Variants in INTS1 observed in about 807,000 individuals in gnomAD.
INTS1 encodes the protein integrator complex subunit 1.
In INTS1, 137 loss-of-function variants were observed where a neutral mutation model predicts 241.6. The ratio of observed to expected loss-of-function variants is 0.57; its 90% confidence interval spans 0.49 to 0.65. The LOEUF (loss-of-function observed/expected upper bound fraction) is 0.65, where lower values mean the gene tolerates loss of function less well. INTS1 is among the 30% of genes least tolerant of loss of function. The pLI is 0.00. For missense variants in INTS1, 3,073 were observed against 3,032.2 expected, an observed-to-expected ratio of 1.01 and a Z score of -0.32; for synonymous variants, 1,692 against 1,337.8, an observed-to-expected ratio of 1.26 and a Z score of -5.78.
In INTS1 at chr7:1,498,957, C is replaced by A; in HGVS notation, c.1137+18G>T. ...CCCCACCCCCTGCCCCGCCCACCCC[C>A]CCGGGGCGCCCCCGCACCTTGGGGT... is the stretch of plus-strand genomic sequence containing the variant. On this transcript the variant is annotated intron_variant, in intron 8 of 47. Transcript: ENST00000404767. 2.0e-6 allele frequency: 3 copies of A among 1,487,544 alleles called. No homozygotes were observed. The highest frequency in any genetic ancestry group is 1.2e-5 in the South Asian group (1 of 82,028). The allele number at this position is 1,487,544 out of a possible 1,614,324, so 92.1% of individuals were successfully genotyped here. A position where few individuals can be genotyped will look rare whatever the true frequency, so the allele number is the denominator to read the frequency against.
rs535880095 is a variant in INTS1, at chr7:1,471,881, G to C, written c.6185-240C>G. On this transcript the variant is annotated intron_variant, in intron 44 of 47. Coordinates refer to ENST00000404767, the MANE Select transcript of INTS1 (RefSeq NM_001080453.3). ...ACCCCTCACGGCAGCCCCATATCCAGGGTGCTCTTAGCACCAAGTGTCCCC... is the reference window on the plus strand; with the variant it reads ...ACCCCTCACGGCAGCCCCATATCCACGGTGCTCTTAGCACCAAGTGTCCCC... The C allele has an allele frequency of 1.0e-4, 59 of 588,402 alleles. No homozygotes were observed. The East Asian group carries it at 1.6e-3, about 16-fold the overall frequency. 36.4% of individuals were successfully genotyped at this position (588,402 alleles called of 1,614,324 possible).
intron 43 of INTS1, among the ~76,000 whole-genome samples, 162 bp from the exon 44 acceptor site, chr7:1,472,548 A>T (rs1781520401): frequency 6.6e-6 from 1 of 152,118 alleles, no homozygotes; most frequent in South Asian, 2.1e-4. Context: ...AGGAGCCGGG[A>T]GCTGCCTTTG....
intron 19 of INTS1, 85 bp from the exon 20 acceptor site, chr7:1,487,534 G>A (rs571548348): frequency 4.7e-6 from 7 of 1,493,958 alleles, no homozygotes; most frequent in East Asian, 4.8e-5. Flanking sequence ...CCTGCTTCGA[G>A]GGGCAGCCGA....
Position 1,493,637 on chromosome 7 carries a change from G to T in INTS1, c.2068+117C>A. On this transcript the variant is annotated intron_variant, in intron 15 of 47. Coordinates refer to ENST00000404767, the MANE Select transcript of INTS1 (RefSeq NM_001080453.3). The surrounding 1 kb of genome is among the most constrained non-coding windows in gnomAD (Gnocchi z 5.3). ...GTCCCCGAGCCTCCCGGGGACCCAG[G>T]ACCCAGCTGAAGCGCAGCTTTGTGG... The T allele has an allele frequency of 7.4e-7, 1 of 1,360,152 alleles. No individual in the cohort carries two copies. The highest frequency in any genetic ancestry group is 9.7e-7 in the Non-Finnish European group (1 of 1,027,952). The allele number at this position is 1,360,152 out of a possible 1,614,324, so 84.3% of individuals were successfully genotyped here. A position where few individuals can be genotyped will look rare whatever the true frequency, so the allele number is the denominator to read the frequency against.
rs888341130 is a variant in INTS1, at chr7:1,497,631, C to T, written c.1426-317G>A. 1.3e-5 allele frequency among the ~76,000 whole-genome samples: 2 copies of T among 152,220 alleles called. No homozygotes were observed. The highest frequency in any genetic ancestry group is 2.9e-5 in the Non-Finnish European group (2 of 68,042). On this transcript the variant is annotated intron_variant, in intron 10 of 47. Coordinates refer to ENST00000404767, the MANE Select transcript of INTS1 (RefSeq NM_001080453.3). The surrounding 1 kb of genome is among the most constrained non-coding windows in gnomAD (Gnocchi z 5.3). The stretch of plus-strand genomic sequence containing the variant: ...GAAGCGCGTGTGCCATCTCAGCCCA[C>T]CCGTGCGCCACGGGCTGAACGGAAA...
chr7:1,471,109 GAC>G (rs1270558786), intron 46 of INTS1, 22 bp downstream of exon 46: 21 of 1,549,248 alleles, frequency 1.4e-5, no homozygotes, highest in Non-Finnish European at 1.8e-5. Flanking sequence ...GTGGCGGCGG[GAC>G]AGAGGCCGGC....
In INTS1 at chr7:1,475,589, C is replaced by T. The variant is rs185729521; in HGVS notation, c.5502+359G>A. Among the ~76,000 whole-genome samples, 82 of 152,228 alleles carry T rather than the reference C, an allele frequency of 5.4e-4. 1 individual carries two copies. The East Asian group carries it at 0.015, about 28-fold the overall frequency. ...ACCAGGGTCACTGGAGAGGAGCAGACGCAGCCGTCCGCCAAGACCCGGGCA... is the reference window on the plus strand; with the variant it reads ...ACCAGGGTCACTGGAGAGGAGCAGATGCAGCCGTCCGCCAAGACCCGGGCA... On this transcript the variant is annotated intron_variant, in intron 39 of 47. Coordinates refer to ENST00000404767, the MANE Select transcript of INTS1 (RefSeq NM_001080453.3).
Position 1,497,346 on chromosome 7 carries a change from C to CCCGACAGTGCTGT in INTS1, c.1426-45_1426-33dup. The CCCGACAGTGCTGT allele has an allele frequency of 6.3e-7, 1 of 1,594,410 alleles. No individual in the cohort carries two copies. The highest frequency in any genetic ancestry group is 8.5e-7 in the Non-Finnish European group (1 of 1,170,764). ...CAGAGAGAGGCCGCGTGGGAGGCTG[C>CCCGACAGTGCTGT]CCGACAGTGCTGTCCCTGTCACAGG... On this transcript the variant is annotated intron_variant, in intron 10 of 47. Coordinates refer to ENST00000404767, the MANE Select transcript of INTS1 (RefSeq NM_001080453.3). The surrounding 1 kb of genome is among the most constrained non-coding windows in gnomAD (Gnocchi z 5.3).
chr7:1,470,542 G>A lies in INTS1; in HGVS notation c.*35C>T. On this transcript the variant is annotated 3_prime_UTR_variant, in exon 48 of 48. Transcript: ENST00000404767. ...CTCGAGGATCCCCGGGGACGGGACG[G>A]GCCGGGGCTTGGAGGGGGGTCGGCT... The A allele has an allele frequency of 6.8e-7, 1 of 1,467,470 alleles. No individual in the cohort carries two copies. The highest frequency in any genetic ancestry group is 1.2e-5 in the South Asian group (1 of 80,908). 90.9% of individuals were successfully genotyped at this position (1,467,470 alleles called of 1,614,324 possible).
Position 1,503,317 on chromosome 7 carries a change from G to C in INTS1, c.59-126C>G, listed in dbSNP as rs930527670. ...GTCAGAGGAGGCAAGGAAGAAGCCA[G>C]AGCTCACTCAGCAGCCTACAGCAGA... On this transcript the variant is annotated intron_variant, in intron 2 of 47. Coordinates refer to ENST00000404767, the MANE Select transcript of INTS1 (RefSeq NM_001080453.3). 14 of 1,015,028 alleles carry C rather than the reference G, an allele frequency of 1.4e-5. No individual in the cohort carries two copies. The African/African-American group carries it at 2.0e-4, about 14-fold the overall frequency. The allele number at this position is 1,015,028 out of a possible 1,614,324, so 62.9% of individuals were successfully genotyped here.
rs1238778709 is a variant in INTS1, at chr7:1,497,281, T to C, written c.1459A>G (p.Asn487Asp). ...LAMVFQDLLTNKDDYLRASRA... is the reference protein window; with the variant it reads ...LAMVFQDLLTDKDDYLRASRA... ...GAGGCCCGCAGGTAGTCGTCCTTGT[T>C]GGTCAGCAGGTCCTGGAACACCATG... The change falls in exon 11 of 48, where the codon AAC becomes GAC. Residue 487 changes from asparagine to aspartate, a missense_variant. Asn to Asp is a conservative substitution (Grantham distance 23). Coordinates refer to ENST00000404767, the MANE Select transcript of INTS1 (RefSeq NM_001080453.3). The surrounding 1 kb of genome is among the most constrained non-coding windows in gnomAD (Gnocchi z 5.3). The C allele has an allele frequency of 3.1e-6, 5 of 1,613,340 alleles. No homozygotes were observed. The highest frequency in any genetic ancestry group is 4.2e-6 in the Non-Finnish European group (5 of 1,179,700).
At chr7:1,503,376 G>A (rs1337081665) in intron 2 of INTS1, among the ~76,000 whole-genome samples, 185 bp from the exon 3 acceptor site, 4 of 152,154 alleles carry the variant, frequency 2.6e-5, no homozygotes, top group East Asian at 1.9e-4. Flanking sequence ...AGGTGATGGT[G>A]GACAGTCACG....
Position 1,485,386 on chromosome 7 carries a change from T to A in INTS1, c.3060A>T (p.Thr1020=). ...EPPMEEDVGD[T]DVLQGYQWLL... Reference sequence around the variant, plus strand: ...GCCACTGATAGCCCTGCAGCACATCTGTGTCCCCCACATCCTCCTCCATGG... The same window carrying A: ...GCCACTGATAGCCCTGCAGCACATCAGTGTCCCCCACATCCTCCTCCATGG... Residue 1020 remains threonine (T), a synonymous_variant, in exon 23 of 48, where the codon ACA becomes ACT. Transcript: ENST00000404767. 6.2e-7 allele frequency: 1 copy of A among 1,612,756 alleles called. No homozygotes were observed. Among genetic ancestry groups the A allele is most frequent in the African/African-American group, 1.3e-5 (1 of 75,046 alleles).
At chr7:1,501,683 TC>T (rs1783190035) in intron 3 of INTS1, among the ~76,000 whole-genome samples, 1 of 152,064 alleles carries the variant, frequency 6.6e-6, no homozygotes, top group Non-Finnish European at 1.5e-5. Flanking sequence ...CTGTCTTCAA[TC>T]CCCACCGGCA....
Position 1,484,104 on chromosome 7 carries a change from T to C in INTS1, c.3328A>G (p.Ser1110Gly). 2 of 1,612,388 alleles carry C rather than the reference T, an allele frequency of 1.2e-6. No homozygotes were observed. Among genetic ancestry groups the C allele is most frequent in the Non-Finnish European group, 1.7e-6 (2 of 1,179,734 alleles). The change falls in exon 25 of 48, where the codon AGT becomes GGT. Residue 1110 changes from serine to glycine, a missense_variant. Coordinates refer to ENST00000404767, the MANE Select transcript of INTS1 (RefSeq NM_001080453.3). ...MSHLFSKLSP[S>G]AASDAVLSAL... ...CTCAGCACGGCGTCCGACGCGGCAC[T>C]CGGGGAGAGCTTCGAGAAGAGGTGG...
chr7:1,478,143 C>A (rs1781815094), intron 33 of INTS1, among the ~76,000 whole-genome samples: 1 of 151,780 alleles, frequency 6.6e-6, no homozygotes, highest in Admixed American at 6.5e-5. Flanking sequence ...CCGGGGCTCA[C>A]TTTGCTGGGT....
chr7:1,471,272 C>T lies in INTS1; in HGVS notation c.6256-48G>A, dbSNP rs926895323. 3.9e-6 allele frequency: 6 copies of T among 1,520,078 alleles called. No homozygotes were observed. In the Admixed American group the frequency reaches 7.9e-5, roughly 20 times the overall value. 94.2% of individuals were successfully genotyped at this position (1,520,078 alleles called of 1,614,324 possible). ...GTGTGTGACCAAGGGGTCCAGCCCC[C>T]ATCAAGGCCCCTTCACCTCTTGGTC... On this transcript the variant is annotated intron_variant, in intron 45 of 47. Transcript: ENST00000404767.
In INTS1 at chr7:1,474,360, C is replaced by T. The variant is rs747298610; in HGVS notation, c.5637G>A (p.Arg1879=). The T allele has an allele frequency of 6.3e-7, 1 of 1,586,822 alleles. No homozygotes were observed. The highest frequency in any genetic ancestry group is 2.3e-5 in the East Asian group (1 of 44,000). ...LAVAHPLLLL[R]HLPMIAALLH... The stretch of plus-strand genomic sequence containing the variant: ...GGAGCGCCGCGATCATGGGCAGGTG[C>T]CTGCGGGCGCGGTGAGGGCCCAGTC... The change falls in exon 41 of 48, where the codon AGG becomes AGA. Residue 1879 remains arginine, a splice_region_variant and synonymous_variant. Coordinates refer to ENST00000404767, the MANE Select transcript of INTS1 (RefSeq NM_001080453.3).
At chr7:1,478,622 C>T in intron 32 of INTS1, 104 bp downstream of exon 32, 1 of 1,491,672 alleles carries the variant, frequency 6.7e-7, no homozygotes, top group Non-Finnish European at 9.0e-7. Flanking sequence ...GTACCCACCC[C>T]CCAAGCCACT....
Sources: gnomAD v4.1 joint callset for allele counts (sites outside exome capture counted in the v4.1 genomes callset) on GRCh38, gnomAD v4.1.1 for gene constraint, Gnocchi (gnomAD v3.1) non-coding constraint, MANE v1.5 for transcripts, NCBI Gene and HGNC (gene_info 2026-07-23, HGNC 2026-07-21) for gene names.